Variants in MTCL2 observed in about 807,000 individuals in gnomAD.
MTCL2 encodes microtubule cross-linking factor 2.
the MTCL2 span, chr20:36,815,775 G>C: frequency 4.4e-6 from 7 of 1,590,178 alleles, no homozygotes; most frequent in Admixed American, 1.2e-4. The surrounding 1 kb of genome is among the most constrained non-coding windows in gnomAD (Gnocchi z 5.3). Context: ...CTCCGACAGC[G>C]CCACGTCCAG....
the MTCL2 span, among the ~76,000 whole-genome samples, chr20:36,862,030 T>C: frequency 6.6e-6 from 1 of 152,192 alleles, no homozygotes; most frequent in Non-Finnish European, 1.5e-5. Flanking sequence ...TCCTGGGATT[T>C]AGGAAGCTGC....
the MTCL2 span, among the ~76,000 whole-genome samples, chr20:36,855,889 T>C: frequency 1.3e-5 from 2 of 151,602 alleles, no homozygotes; most frequent in African/African-American, 2.4e-5. Flanking sequence ...AGAGGTGGAG[T>C]TGGCCCCTAG....
At chr20:36,861,465 G>A in the MTCL2 span, among the ~76,000 whole-genome samples, 1 of 152,216 alleles carries the variant, frequency 6.6e-6, no homozygotes, top group Non-Finnish European at 1.5e-5. Flanking sequence ...CGGGGAAAAT[G>A]GGGAGACAGA....
the MTCL2 span, chr20:36,802,846 T>A: frequency 6.5e-7 from 1 of 1,532,494 alleles, no homozygotes; most frequent in South Asian, 1.3e-5. Flanking sequence ...TTGGCAGGGG[T>A]GGGCCTCACC....
the MTCL2 span, among the ~76,000 whole-genome samples, chr20:36,811,827 A>G: frequency 2.8e-4 from 42 of 152,150 alleles, no homozygotes; most frequent in Non-Finnish European, 4.4e-5. Context: ...TTGTCTTCCA[A>G]GAGATGCTCA....
chr20:36,840,043 T>C, the MTCL2 span, among the ~76,000 whole-genome samples: 1 of 152,146 alleles, frequency 6.6e-6, no homozygotes. Flanking sequence ...TTTATATTTT[T>C]AGTGGAGACG....
the MTCL2 span, among the ~76,000 whole-genome samples, chr20:36,842,686 C>T: frequency 6.6e-6 from 1 of 152,200 alleles, no homozygotes; most frequent in Non-Finnish European, 1.5e-5. Flanking sequence ...GCAGGAGAAT[C>T]ATTTGAACCT....
chr20:36,817,349 T>TA, the MTCL2 span: 43 of 1,464,540 alleles, frequency 2.9e-5, no homozygotes, highest in Non-Finnish European at 3.8e-5. Flanking sequence ...CCAGGCCACT[T>TA]AGAGTCAGGC....
At chr20:36,829,194 T>C in the MTCL2 span, 1 of 1,610,724 alleles carries the variant, frequency 6.2e-7, no homozygotes, top group Non-Finnish European at 8.5e-7. Context: ...TGCAGCCGCA[T>C]GGAGATGTCC....
At chr20:36,862,877 C>G in the MTCL2 span, 1 of 1,235,888 alleles carries the variant, frequency 8.1e-7, no homozygotes, top group Non-Finnish European at 1.0e-6. Flanking sequence ...CCGGCTGCCC[C>G]GTACGGACCC....
At chr20:36,800,322 T>C in the MTCL2 span, among the ~76,000 whole-genome samples, 1 of 152,370 alleles carries the variant, frequency 6.6e-6, no homozygotes, top group South Asian at 2.1e-4. Context: ...GGAATTATTC[T>C]TTTATAGACA....
the MTCL2 span, among the ~76,000 whole-genome samples, chr20:36,826,504 A>G: frequency 1.3e-5 from 2 of 149,342 alleles, no homozygotes; most frequent in Non-Finnish European, 3.0e-5. Flanking sequence ...CAACCTCCCT[A>G]GTAGCTGGGA....
At chr20:36,817,281 A>G in the MTCL2 span, 5 of 886,284 alleles carry the variant, frequency 5.6e-6, no homozygotes, top group East Asian at 5.4e-5. Flanking sequence ...AAAAAAAAAA[A>G]AAAGAAAAGA....
At chr20:36,863,137 G>A in the MTCL2 span, 1 of 1,392,464 alleles carries the variant, frequency 7.2e-7, no homozygotes, top group Non-Finnish European at 9.4e-7. This position sits in a 1 kb window ranked among gnomAD's most constrained non-coding sequence, Gnocchi z 6.2. Flanking sequence ...TTCTTGTCCG[G>A]CCGTGAGGAG....
chr20:36,800,638 T>C, the MTCL2 span, among the ~76,000 whole-genome samples: 30 of 152,204 alleles, frequency 2.0e-4, 1 homozygote, highest in Non-Finnish European at 1.5e-5. Flanking sequence ...GAACGTGACC[T>C]TGCAAGGCTG....
the MTCL2 span, among the ~76,000 whole-genome samples, chr20:36,861,640 T>A: frequency 4.6e-5 from 7 of 152,162 alleles, no homozygotes; most frequent in East Asian, 1.3e-3. Context: ...CAGGCCATCA[T>A]CCACTGACAA....
chr20:36,794,222 G>A, the MTCL2 span: 1 of 1,548,260 alleles, frequency 6.5e-7, no homozygotes, highest in Non-Finnish European at 8.7e-7. The surrounding 1 kb of genome is among the most constrained non-coding windows in gnomAD (Gnocchi z 5.4). Flanking sequence ...CGACTCTTTG[G>A]GCTTGGCTGT....
chr20:36,813,312 T>TAAAAAAAAAA, the MTCL2 span, among the ~76,000 whole-genome samples: 11 of 816 alleles, frequency 0.013, 2 homozygotes, highest in African/African-American at 0.16. Flanking sequence ...GACTGTTTCT[T>TAAAAAAAAAA]TAAAAAAAAA....
At chr20:36,816,204 T>C in the MTCL2 span, 3 of 1,613,380 alleles carry the variant, frequency 1.9e-6, no homozygotes, top group African/African-American at 4.0e-5. Flanking sequence ...CAGCTCCTCC[T>C]TCATGCTGTC....
Sources: gnomAD v4.1 joint callset for allele counts (sites outside exome capture counted in the v4.1 genomes callset) on GRCh38, gnomAD v4.1.1 for gene constraint, Gnocchi (gnomAD v3.1) non-coding constraint, MANE v1.5 for transcripts, NCBI Gene and HGNC (gene_info 2026-07-23, HGNC 2026-07-21) for gene names.